Variants in PAK4 observed in about 807,000 individuals in gnomAD.
The protein encoded by PAK4 is p21 (RAC1) activated kinase 4.
A neutral mutation model predicts 53.5 loss-of-function variants in PAK4; 49 were observed. The ratio of observed to expected loss-of-function variants is 0.92; its 90% CI spans 0.73 to 1.16. The LOEUF (loss-of-function observed/expected upper bound fraction) is 1.16, where lower values mean the gene tolerates loss of function less well. Ranked by LOEUF, PAK4 falls within the 50% of genes most tolerant of loss-of-function variation. The pLI is 0.00. For synonymous variants in PAK4, 376 were observed against 375.6 expected (o/e 1.00, Z -0.01); for missense variants, 824 against 850.7 (o/e 0.97, Z 0.39).
At chr19:39,148,615 C>T (rs1315674663) in intron 1 of PAK4, among the ~76,000 whole-genome samples, 1 of 151,252 alleles carries the variant, frequency 6.6e-6, no homozygotes, top group African/African-American at 2.4e-5. Flanking sequence ...CACCACCATG[C>T]CTGGCTAATT....
chr19:39,128,825 TAGAGC>T (rs2073642859), intron 1 of PAK4, among the ~76,000 whole-genome samples: 1 of 152,162 alleles, frequency 6.6e-6, no homozygotes, highest in South Asian at 2.1e-4. Context: ...TCACCAACAG[TAGAGC>T]AACAGCTCTT....
Position 39,173,791 on chromosome 19 carries a change from G to T in PAK4, c.879G>T (p.Gln293His). 6.2e-7 allele frequency: 1 copy of T among 1,607,794 alleles called. No homozygotes were observed. Residue 293 changes from glutamine to histidine, a missense_variant, in exon 4 of 9, where the codon CAG becomes CAT. By Grantham distance (24) the Gln-to-His change is conservative (BLOSUM62 0). This residue lies in a region of PAK4 where 478 missense variants were observed against 435.8 expected (regional missense o/e 1.10). Coordinates refer to ENST00000358301, the Ensembl canonical transcript of PAK4. The surrounding 1 kb of genome is among the most constrained non-coding windows in gnomAD (Gnocchi z 6.9). ...GGCCCCCTGGCCCCCGCTCACCACAGCGGGAGCCACAGCGAGTATCCCATG... is the reference window on the plus strand; with the variant it reads ...GGCCCCCTGGCCCCCGCTCACCACATCGGGAGCCACAGCGAGTATCCCATG...
chr19:39,165,515 AAAATAAATAAATAAAT>A (rs57100878), intron 1 of PAK4, among the ~76,000 whole-genome samples: 9 of 135,042 alleles, frequency 6.7e-5, no homozygotes, highest in Non-Finnish European at 1.1e-4. Context: ...ACTCCCTCTC[AAAATAAATAAATAAAT>A]AAATAAATAA....
At chr19:39,138,412 T>C (rs967861289) in intron 1 of PAK4, among the ~76,000 whole-genome samples, 5 of 152,238 alleles carry the variant, frequency 3.3e-5, no homozygotes, top group African/African-American at 1.2e-4. Flanking sequence ...ATGTTGTCAG[T>C]GTATGTACGT....
chr19:39,151,512 G>A (rs2074093832), intron 1 of PAK4, among the ~76,000 whole-genome samples: 1 of 152,244 alleles, frequency 6.6e-6, no homozygotes, highest in Non-Finnish European at 1.5e-5. Flanking sequence ...AATGACAGCT[G>A]CACACAGTGA....
In PAK4 at chr19:39,173,990, C is replaced by T. The variant is rs950809471; in HGVS notation, c.1078C>T (p.Arg360Cys). ...GATGGACCTGCGCAAGCAGCAGAGG[C>T]GCGAGCTGCTCTTCAACGAGGTGCG... The change falls in exon 4 of 9, where the codon CGC (arginine) becomes TGC (cysteine). Residue 360 changes from arginine to cysteine, a missense_variant. Arg to Cys is a radical substitution (Grantham distance 180, BLOSUM62 -3). This residue lies in a region of PAK4 where 346 missense variants were observed against 415.0 expected (regional missense o/e 0.83). Coordinates refer to ENST00000358301, the Ensembl canonical transcript of PAK4. This position sits in a 1 kb window ranked among gnomAD's most constrained non-coding sequence, Gnocchi z 6.9. The T allele has an allele frequency of 4.4e-6, 7 of 1,600,868 alleles. No homozygotes were observed. Among genetic ancestry groups the T allele is most frequent in the East Asian group, 2.2e-5 (1 of 44,464 alleles).
At chr19:39,174,049 C>T in intron 4 of PAK4, 39 bp downstream of exon 5, 1 of 1,322,214 alleles carries the variant, frequency 7.6e-7, no homozygotes, top group Non-Finnish European at 1.0e-6. Flanking sequence ...CTGGTCCTCC[C>T]ACCCCTCCCT....
rs1178816370 is a variant in PAK4 at position 39,134,613 on chromosome 19, T to C, written c.-23+8694T>C. ...GTTGCTGTATAATATTCTTTTTTTT[T>C]CTTTGACACAGAGTCTCGCTCTGTC... is the stretch of plus-strand genomic sequence containing the variant. On this transcript the variant is annotated intron_variant, in intron 1 of 8. Coordinates refer to ENST00000358301, the Ensembl canonical transcript of PAK4. Among the ~76,000 whole-genome samples, 8 of 151,906 alleles carry C rather than the reference T, an allele frequency of 5.3e-5. 1 individual carries two copies. Among genetic ancestry groups the C allele is most frequent in the African/African-American group, 1.9e-4 (8 of 41,166 alleles).
rs1454034840 is a variant in PAK4, at chr19:39,158,233, GTGTGTGCGCGCA to G, written c.-22-11292_-22-11281del. On this transcript the variant is annotated intron_variant, in intron 1 of 8. Transcript: ENST00000358301. ...TGTGTGGGTGTGCGTGTGTGTGCAT[GTGTGTGCGCGCA>G]TGTGTGAGCATGCATGTGTTGCGGG... 9.2e-5 allele frequency among the ~76,000 whole-genome samples: 14 copies of G among 152,254 alleles called. No homozygotes were observed. The East Asian group carries it at 2.5e-3, about 27-fold the overall frequency.
chr19:39,147,232 A>G (rs558937848), intron 1 of PAK4, among the ~76,000 whole-genome samples: 3 of 152,222 alleles, frequency 2.0e-5, no homozygotes, highest in Admixed American at 6.5e-5. Context: ...GATTTTGTCA[A>G]TTCAAGAATG....
chr19:39,140,750 G>GCAGCCTCT (rs1407448143), intron 1 of PAK4, among the ~76,000 whole-genome samples: 1 of 152,144 alleles, frequency 6.6e-6, no homozygotes, highest in African/African-American at 2.4e-5. Flanking sequence ...AGCTCCACCT[G>GCAGCCTCT]CAGCCTCTCC....
At chr19:39,149,239 C>T (rs2074055470) in intron 1 of PAK4, among the ~76,000 whole-genome samples, 1 of 152,208 alleles carries the variant, frequency 6.6e-6, no homozygotes, top group Admixed American at 6.5e-5. Flanking sequence ...AAGGTGGAAA[C>T]AGCTCCGTGT....
At chr19:39,126,453 G>GTT (rs1438165776) in intron 1 of PAK4, among the ~76,000 whole-genome samples, 2 of 129,794 alleles carry the variant, frequency 1.5e-5, no homozygotes, top group African/African-American at 5.5e-5. Context: ...ACGGGGGGGG[G>GTT]GGGGGGGGCC....
intron 1 of PAK4, among the ~76,000 whole-genome samples, chr19:39,132,159 C>A (rs1223099592): frequency 6.6e-6 from 1 of 152,192 alleles, no homozygotes; most frequent in Non-Finnish European, 1.5e-5. Flanking sequence ...TACCCAGAGA[C>A]CCTGAGGAGG....
chr19:39,170,573 T>C (rs1225560569), intron 2 of PAK4, among the ~76,000 whole-genome samples: 2 of 152,186 alleles, frequency 1.3e-5, no homozygotes, highest in Non-Finnish European at 2.9e-5. Context: ...CTGGACTCTC[T>C]CCCATGGTCA....
At chr19:39,155,095 G>A (rs539237167) in intron 1 of PAK4, among the ~76,000 whole-genome samples, 51 of 152,324 alleles carry the variant, frequency 3.3e-4, no homozygotes, top group African/African-American at 1.2e-3. Flanking sequence ...TCTGTCTGCT[G>A]TGTGCCGGGG....
chr19:39,150,895 T>G lies in PAK4; in HGVS notation c.-22-18637T>G, dbSNP rs551690195. On this transcript the variant is annotated intron_variant, in intron 1 of 8. Transcript: ENST00000358301. ...GTGTGTGTCCGCTGGACTTTCACATTTTTTGCGTGTGGTGCTTGACTATAA... is the reference window on the plus strand; with the variant it reads ...GTGTGTGTCCGCTGGACTTTCACATGTTTTGCGTGTGGTGCTTGACTATAA... Among the ~76,000 whole-genome samples the G allele has an allele frequency of 6.6e-5, 10 of 152,302 alleles. No individual in the cohort carries two copies. In the East Asian group the frequency reaches 1.9e-3, roughly 29 times the overall value.
chr19:39,150,803 TC>T (rs2074081646), intron 1 of PAK4, among the ~76,000 whole-genome samples: 1 of 152,214 alleles, frequency 6.6e-6, no homozygotes, highest in Non-Finnish European at 1.5e-5. Flanking sequence ...CTCCCCTTGC[TC>T]TCTCATGATC....
At chr19:39,127,649 C>T (rs1293381108) in intron 1 of PAK4, among the ~76,000 whole-genome samples, 1 of 152,126 alleles carries the variant, frequency 6.6e-6, no homozygotes. Context: ...CACAGAGCCC[C>T]TAGCCTCAGA....
Sources: gnomAD v4.1 joint callset for allele counts (sites outside exome capture counted in the v4.1 genomes callset) on GRCh38, gnomAD v4.1.1 for gene constraint, gnomAD v4.1.1 regional missense constraint, Gnocchi (gnomAD v3.1) non-coding constraint, MANE v1.5 for transcripts, NCBI Gene and HGNC (gene_info 2026-07-23, HGNC 2026-07-21) for gene names.